The following PACRG variants were observed in gnomAD, a reference collection of about 807,000 sequenced individuals.
PACRG encodes the protein parkin coregulated gene protein.
Under a neutral mutation model 29.7 loss-of-function variants are expected in PACRG, and 29 were observed. The observed-to-expected ratio is 0.98, with a 90% CI of 0.73 to 1.33. The LOEUF is 1.33. Among genes scored for constraint, PACRG ranks in the 40% most tolerant of loss-of-function variants. The probability of loss-of-function intolerance (pLI) is 0.00; values close to 1 mark genes in which losing one functional copy is unlikely to be tolerated. For synonymous variants in PACRG, 116 were observed against 118.7 expected, an observed-to-expected ratio of 0.98 and a Z score of 0.15; for missense variants, 279 against 316.2, an observed-to-expected ratio of 0.88 and a Z score of 0.89.
chr6:163,002,584 G>T (rs1477382470), intron 2 of PACRG, among the ~76,000 whole-genome samples: 1 of 152,158 alleles, frequency 6.6e-6, no homozygotes, highest in African/African-American at 2.4e-5. Flanking sequence ...CACCCAAAAA[G>T]TAGTCACTGA....
intron 4 of PACRG, among the ~76,000 whole-genome samples, chr6:163,145,060 T>A (rs770802573): frequency 3.3e-5 from 5 of 152,156 alleles, no homozygotes; most frequent in Non-Finnish European, 7.3e-5. Context: ...TCTCAGTGAG[T>A]TCTGGCTTGG....
chr6:163,171,134 G>T (rs564671483), intron 4 of PACRG, among the ~76,000 whole-genome samples: 1 of 152,258 alleles, frequency 6.6e-6, no homozygotes, highest in East Asian at 1.9e-4. Context: ...GAACATGCTG[G>T]CTATATTATG....
At chr6:162,986,844 G>A (rs1802936599) in intron 2 of PACRG, among the ~76,000 whole-genome samples, 2 of 151,952 alleles carry the variant, frequency 1.3e-5, no homozygotes, top group African/African-American at 2.4e-5. Context: ...ATTTCTTTAA[G>A]TGTGTCTTTT....
intron 2 of PACRG, among the ~76,000 whole-genome samples, chr6:162,914,501 C>CTTTTTTTTTTTTTTTTTTT (rs1584744159): frequency 1.4e-5 from 1 of 73,208 alleles, no homozygotes; most frequent in Non-Finnish European, 2.8e-5. Flanking sequence ...AAGTTTTGTA[C>CTTTTTTTTTTTTTTTTTTT]TTTTTTGTTT....
At chr6:163,092,748 A>G (rs1585196145) in intron 4 of PACRG, among the ~76,000 whole-genome samples, 1 of 152,342 alleles carries the variant, frequency 6.6e-6, no homozygotes, top group East Asian at 1.9e-4. Context: ...GAGCCTGTCC[A>G]TGACCGGGTA....
intron 2 of PACRG, among the ~76,000 whole-genome samples, chr6:162,965,055 A>C (rs909783605): frequency 4.6e-5 from 7 of 152,224 alleles, no homozygotes; most frequent in Admixed American, 2.0e-4. Context: ...TGAAGATGGA[A>C]GTGCCTTAAG....
chr6:162,823,283 TAGTACAGTA>T (rs1163585308), intron 2 of PACRG, among the ~76,000 whole-genome samples: 1 of 152,202 alleles, frequency 6.6e-6, no homozygotes, highest in Non-Finnish European at 1.5e-5. Context: ...ATTCTTCCAT[TAGTACAGTA>T]AGCTTATTGT....
chr6:163,286,770 T>C (rs1784414339), intron 4 of PACRG, among the ~76,000 whole-genome samples: 1 of 152,198 alleles, frequency 6.6e-6, no homozygotes, highest in Admixed American at 6.5e-5. Flanking sequence ...AACAGGTCAC[T>C]TTAAAACTAC....
chr6:162,875,757 A>G (rs1793287465), intron 2 of PACRG, among the ~76,000 whole-genome samples: 1 of 152,198 alleles, frequency 6.6e-6, no homozygotes, highest in Non-Finnish European at 1.5e-5. Flanking sequence ...TGGAGTTATC[A>G]ACCTGGCATT....
intron 4 of PACRG, among the ~76,000 whole-genome samples, chr6:163,115,855 T>G (rs1815963374): frequency 6.6e-6 from 1 of 152,160 alleles, no homozygotes; most frequent in Non-Finnish European, 1.5e-5. Context: ...GCCTCTGAAG[T>G]GTAGTAATTA....
At chr6:163,134,879 A>G (rs888500422) in intron 4 of PACRG, among the ~76,000 whole-genome samples, 4 of 152,150 alleles carry the variant, frequency 2.6e-5, no homozygotes, top group African/African-American at 9.7e-5. Flanking sequence ...TTTGCTTCAC[A>G]AGATTCTTAA....
chr6:163,030,484 C>T (rs1235487129), intron 2 of PACRG, among the ~76,000 whole-genome samples: 1 of 152,130 alleles, frequency 6.6e-6, no homozygotes, highest in South Asian at 2.1e-4. Flanking sequence ...CATCAGAGCT[C>T]CCCTTCCCAG....
chr6:162,987,573 C>A (rs1029426191), intron 2 of PACRG, among the ~76,000 whole-genome samples: 4 of 152,274 alleles, frequency 2.6e-5, no homozygotes, highest in African/African-American at 9.6e-5. Flanking sequence ...CACTCTCTTG[C>A]CTGCTGCCAT....
At chr6:163,161,538 T>G (rs1472322699) in intron 4 of PACRG, among the ~76,000 whole-genome samples, 1 of 152,234 alleles carries the variant, frequency 6.6e-6, no homozygotes. Flanking sequence ...TTGAGGATCT[T>G]GCTATTGAGA....
intron 4 of PACRG, among the ~76,000 whole-genome samples, chr6:163,102,089 A>G (rs548289140): frequency 6.6e-6 from 1 of 152,276 alleles, no homozygotes; most frequent in African/African-American, 2.4e-5. Flanking sequence ...CAATGTGTAC[A>G]GCCACGGAAG....
chr6:163,228,995 T>C (rs2128162464), intron 4 of PACRG, among the ~76,000 whole-genome samples: 1 of 152,334 alleles, frequency 6.6e-6, no homozygotes, highest in South Asian at 2.1e-4. Context: ...AATCTCCTTC[T>C]GATGTTTTGT....
intron 1 of PACRG, among the ~76,000 whole-genome samples, chr6:162,738,766 T>G (rs1162868321): frequency 1.3e-5 from 2 of 152,252 alleles, no homozygotes; most frequent in Non-Finnish European, 2.9e-5. Flanking sequence ...TATAGAGCTT[T>G]GTAAACATTA....
chr6:162,942,539 T>C (rs1042607625), intron 2 of PACRG, among the ~76,000 whole-genome samples: 4 of 152,200 alleles, frequency 2.6e-5, no homozygotes, highest in Non-Finnish European at 5.9e-5. Flanking sequence ...CAAAATATTA[T>C]AGTGTTTTTC....
chr6:163,245,494 A>C (rs1782659735), intron 4 of PACRG, among the ~76,000 whole-genome samples: 1 of 152,176 alleles, frequency 6.6e-6, no homozygotes, highest in African/African-American at 2.4e-5. Flanking sequence ...GGAGAGCCGC[A>C]CGTTAATATG....
Sources: gnomAD v4.1 joint callset for allele counts (sites outside exome capture counted in the v4.1 genomes callset) on GRCh38, gnomAD v4.1.1 for gene constraint, MANE v1.5 for transcripts, NCBI Gene and HGNC (gene_info 2026-07-23, HGNC 2026-07-21) for gene names.